The following KCNMA1 variants were observed in gnomAD, a reference collection of about 807,000 sequenced individuals.
The protein encoded by KCNMA1 is potassium calcium-activated channel subfamily M alpha 1, also known as Calcium-activated potassium channel subunit alpha-1.
Under a neutral mutation model 140.0 loss-of-function variants are expected in KCNMA1, and 29 were observed. The ratio of observed to expected loss-of-function variants is 0.21; its 90% CI spans 0.15 to 0.28. The LOEUF (loss-of-function observed/expected upper bound fraction) is 0.28. KCNMA1 is among the 10% of genes least tolerant of loss of function. The pLI, the probability that KCNMA1 is intolerant of heterozygous loss-of-function variation, is 1.00. For missense variants in KCNMA1, 880 were observed against 1,602.2 expected, an observed-to-expected ratio of 0.55 and a Z score of 7.70; for synonymous variants, 612 against 611.9, an observed-to-expected ratio of 1.00 and a Z score of 0.00.
chr10:76,898,302 A>AT (rs1423662846), intron 25 of KCNMA1, among the ~76,000 whole-genome samples: 1 of 151,910 alleles, frequency 6.6e-6, no homozygotes, highest in East Asian at 1.9e-4. Flanking sequence ...TAAAGCTATA[A>AT]TTTTTTATGG....
At chr10:77,494,188 C>T (rs2040983016) in intron 1 of KCNMA1, among the ~76,000 whole-genome samples, 2 of 152,254 alleles carry the variant, frequency 1.3e-5, no homozygotes, top group Non-Finnish European at 2.9e-5. Context: ...CAAAGAAACT[C>T]ACCACGTTGC....
intron 1 of KCNMA1, among the ~76,000 whole-genome samples, chr10:77,594,260 T>C (rs946537123): frequency 1.3e-5 from 2 of 152,114 alleles, no homozygotes; most frequent in Admixed American, 6.6e-5. Context: ...CACCATTCGG[T>C]TGCAATTTGC....
At chr10:77,441,836 CT>C (rs887258499) in intron 1 of KCNMA1, among the ~76,000 whole-genome samples, 32 of 148,636 alleles carry the variant, frequency 2.2e-4, no homozygotes, top group East Asian at 1.4e-3. Flanking sequence ...AGCCTGAGAT[CT>C]TTTTTTTTTC....
chr10:77,455,073 T>C (rs1009818606), intron 1 of KCNMA1, among the ~76,000 whole-genome samples: 4 of 152,312 alleles, frequency 2.6e-5, no homozygotes, highest in Non-Finnish European at 5.9e-5. Context: ...GTCATAAAGT[T>C]CTAGAAGAAT....
chr10:77,527,431 C>G (rs977637729), intron 1 of KCNMA1, among the ~76,000 whole-genome samples: 3 of 152,208 alleles, frequency 2.0e-5, no homozygotes, highest in African/African-American at 7.2e-5. Flanking sequence ...ATTGCGCTGT[C>G]CTGCAGGCAG....
chr10:77,175,830 A>T (rs539455155), intron 5 of KCNMA1, among the ~76,000 whole-genome samples: 1 of 152,286 alleles, frequency 6.6e-6, no homozygotes, highest in South Asian at 2.1e-4. Flanking sequence ...GTACAGGGAA[A>T]GGGGAGGCAG....
intron 9 of KCNMA1, among the ~76,000 whole-genome samples, chr10:77,100,115 C>T (rs533652192): frequency 6.6e-6 from 1 of 152,298 alleles, no homozygotes; most frequent in East Asian, 1.9e-4. Flanking sequence ...GCCACTGTTT[C>T]CTTGGGTGGT....
chr10:77,003,409 G>A (rs79847130), intron 18 of KCNMA1, among the ~76,000 whole-genome samples: 2 of 152,084 alleles, frequency 1.3e-5, no homozygotes, highest in African/African-American at 4.8e-5. Context: ...AAACAGCAAC[G>A]GCTGAAGTCA....
At chr10:77,297,029 A>T (rs2075344100) in intron 2 of KCNMA1, among the ~76,000 whole-genome samples, 1 of 152,116 alleles carries the variant, frequency 6.6e-6, no homozygotes, top group Non-Finnish European at 1.5e-5. Context: ...TGTACCCAAG[A>T]CATCCAACAG....
At chr10:77,123,762 A>C (rs2097677627) in intron 5 of KCNMA1, among the ~76,000 whole-genome samples, 1 of 152,194 alleles carries the variant, frequency 6.6e-6, no homozygotes, top group Non-Finnish European at 1.5e-5. Context: ...GGCAATAATA[A>C]AATAGAACAA....
intron 5 of KCNMA1, among the ~76,000 whole-genome samples, chr10:77,169,166 C>A (rs1239060485): frequency 6.6e-6 from 1 of 152,024 alleles, no homozygotes; most frequent in Non-Finnish European, 1.5e-5. Context: ...TGCAGGTAAG[C>A]AGAGAAGACA....
chr10:77,108,404 A>C lies in KCNMA1; in HGVS notation c.1223+77T>G. The C allele has an allele frequency of 6.8e-7, 1 of 1,477,208 alleles. No homozygotes were observed. The highest frequency in any genetic ancestry group is 2.4e-5 in the East Asian group (1 of 42,292). The allele number at this position is 1,477,208 out of a possible 1,614,324, so 91.5% of individuals were successfully genotyped here. On this transcript the variant is annotated intron_variant, in intron 9 of 27. Transcript: ENST00000286628. This position sits in a 1 kb window ranked among gnomAD's most constrained non-coding sequence, Gnocchi z 4.6. ...TACATGCATGAAACAAAGAAACAAGAGCCAAAAAAAAAAAAAAATGGCATG... is the reference window on the plus strand; with the variant it reads ...TACATGCATGAAACAAAGAAACAAGCGCCAAAAAAAAAAAAAAATGGCATG...
At chr10:76,931,495 A>C (rs2059260660) in intron 23 of KCNMA1, among the ~76,000 whole-genome samples, 2 of 151,230 alleles carry the variant, frequency 1.3e-5, no homozygotes, top group Non-Finnish European at 1.5e-5. Flanking sequence ...TTTCTGGCTG[A>C]GACCCAAAAT....
intron 2 of KCNMA1, among the ~76,000 whole-genome samples, chr10:77,302,217 G>A (rs867844482): frequency 6.6e-6 from 1 of 152,242 alleles, no homozygotes; most frequent in Middle Eastern, 3.4e-3. Flanking sequence ...GGAGTAACTT[G>A]CTCCCAATCC....
chr10:77,621,668 C>T (rs1261473341), intron 1 of KCNMA1, among the ~76,000 whole-genome samples: 1 of 152,144 alleles, frequency 6.6e-6, no homozygotes, highest in Non-Finnish European at 1.5e-5. Context: ...GTGGCTCACG[C>T]CTGTAATTCC....
intron 20 of KCNMA1, among the ~76,000 whole-genome samples, chr10:76,957,775 C>T (rs1009844982): frequency 4.6e-5 from 7 of 152,104 alleles, no homozygotes; most frequent in Admixed American, 1.3e-4. Flanking sequence ...AGGTAAGCAG[C>T]GTGGGAGAGG....
At chr10:77,553,576 C>T (rs1243316125) in intron 1 of KCNMA1, among the ~76,000 whole-genome samples, 1 of 152,224 alleles carries the variant, frequency 6.6e-6, no homozygotes, top group Non-Finnish European at 1.5e-5. Context: ...CAGTCAGGGC[C>T]TGGGCACCTC....
chr10:77,629,363 G>C (rs1481814920), intron 1 of KCNMA1, among the ~76,000 whole-genome samples: 2 of 152,110 alleles, frequency 1.3e-5, no homozygotes, highest in African/African-American at 4.8e-5. Flanking sequence ...AGAGAAACCA[G>C]GTGGCATGAA....
chr10:77,091,731 C>T (rs1041647335), intron 9 of KCNMA1: 2 of 152,194 alleles, frequency 1.3e-5, no homozygotes, highest in Non-Finnish European at 2.9e-5. Flanking sequence ...TTCATAATTG[C>T]TCTGTGCACA....
Sources: allele counts gnomAD v4.1 joint callset (sites outside exome capture counted in the v4.1 genomes callset), GRCh38; gene constraint gnomAD v4.1.1; non-coding constraint Gnocchi (gnomAD v3.1); transcripts MANE v1.5; gene names NCBI Gene and HGNC (gene_info 2026-07-23, HGNC 2026-07-21).